NR2C2: variants seen among roughly 807,000 people sequenced by gnomAD.
NR2C2 encodes Nuclear hormone receptor TR4.
Under a neutral mutation model 62.9 loss-of-function variants are expected in NR2C2, and 6 were observed. That is an observed-to-expected ratio of 0.10 (90% CI 0.05 to 0.19). The LOEUF (loss-of-function observed/expected upper bound fraction) is 0.19, where lower values mean the gene tolerates loss of function less well. Among genes scored for constraint, NR2C2 ranks in the 10% least tolerant of loss-of-function variants. NR2C2 has a pLI of 1.00. For missense variants in NR2C2, 479 were observed against 762.7 expected (o/e 0.63, Z 4.38); for synonymous variants, 272 against 273.8 (o/e 0.99, Z 0.07).
At chr3:14,958,342 T>G (rs1025799252) in intron 1 of NR2C2, among the ~76,000 whole-genome samples, 1 of 148,466 alleles carries the variant, frequency 6.7e-6, no homozygotes, top group African/African-American at 2.5e-5. Flanking sequence ...CTGTAGCACT[T>G]TTTTTTTTTA....
chr3:14,977,967 G>T (rs199509271), intron 1 of NR2C2, among the ~76,000 whole-genome samples: 1 of 134,526 alleles, frequency 7.4e-6, no homozygotes, highest in African/African-American at 2.7e-5. Context: ...AAAAAAAGAA[G>T]AAGAAGAAGA....
intron 1 of NR2C2, among the ~76,000 whole-genome samples, chr3:14,988,444 A>G (rs528810229): frequency 2.5e-4 from 38 of 152,238 alleles, no homozygotes; most frequent in African/African-American, 8.9e-4. Context: ...AGCCATTTCT[A>G]TATTTAGGAT....
rs116549067 is a variant in NR2C2 at position 14,961,873 on chromosome 3, G to A, written c.-40+13967G>A. Reference sequence around the variant, plus strand: ...CTTGTTAGCACTCTTTAGTAATGCAGTCTCTTCGCTTCTTGCTTTGTTAGT... The same window carrying A: ...CTTGTTAGCACTCTTTAGTAATGCAATCTCTTCGCTTCTTGCTTTGTTAGT... On this transcript the variant is annotated intron_variant, in intron 1 of 13. Coordinates refer to ENST00000425241, the MANE Select transcript of NR2C2 (RefSeq NM_001291694.2). Among the ~76,000 whole-genome samples the A allele has an allele frequency of 4.9e-3, 746 of 152,324 alleles. 11 individuals carry two copies. Among genetic ancestry groups the A allele is most frequent in the African/African-American group, 0.017 (699 of 41,570 alleles).
At chr3:14,997,627 A>T (rs1458248361) in intron 1 of NR2C2, among the ~76,000 whole-genome samples, 1 of 152,060 alleles carries the variant, frequency 6.6e-6, no homozygotes, top group African/African-American at 2.4e-5. Context: ...TTTCTTAGCC[A>T]AGAGAGAGCT....
chr3:15,014,529 C>T (rs1282588749), intron 3 of NR2C2, among the ~76,000 whole-genome samples: 1 of 151,892 alleles, frequency 6.6e-6, no homozygotes, highest in Non-Finnish European at 1.5e-5. Flanking sequence ...TCTTAACCAG[C>T]TTTAGGTATA....
intron 3 of NR2C2, among the ~76,000 whole-genome samples, chr3:15,014,363 GTC>G (rs2041441333): frequency 6.6e-6 from 1 of 152,170 alleles, no homozygotes; most frequent in African/African-American, 2.4e-5. Flanking sequence ...GCTAGCATGA[GTC>G]TGGGAAGTAT....
chr3:15,001,806 A>C (rs976039780), intron 1 of NR2C2, among the ~76,000 whole-genome samples: 3 of 151,598 alleles, frequency 2.0e-5, no homozygotes, highest in African/African-American at 7.3e-5. Flanking sequence ...TTTTGTAGAG[A>C]TGGGTCTTGC....
rs965943540 is a variant in NR2C2 at position 15,003,210 on chromosome 3, C to T, written c.-39-666C>T. Among the ~76,000 whole-genome samples, 5 of 151,908 alleles carry T rather than the reference C, an allele frequency of 3.3e-5. No homozygotes were observed. In the South Asian group the frequency reaches 6.2e-4, roughly 19 times the overall value. ...AAGTGATCTGCCCACCTTGGCCTCCCGAATGCTGGGATTATAGGTGTGAGC... is the reference window on the plus strand; with the variant it reads ...AAGTGATCTGCCCACCTTGGCCTCCTGAATGCTGGGATTATAGGTGTGAGC... On this transcript the variant is annotated intron_variant, in intron 1 of 13. Coordinates refer to ENST00000425241, the MANE Select transcript of NR2C2 (RefSeq NM_001291694.2).
intron 11 of NR2C2, among the ~76,000 whole-genome samples, chr3:15,037,282 G>A (rs1028943991): frequency 4.6e-5 from 7 of 151,410 alleles, no homozygotes; most frequent in Admixed American, 1.3e-4. Context: ...TGTTGCTCAA[G>A]CTGGTCTCAA....
chr3:14,949,445 TA>T (rs1003181556), intron 1 of NR2C2, among the ~76,000 whole-genome samples: 1 of 152,204 alleles, frequency 6.6e-6, no homozygotes, highest in African/African-American at 2.4e-5. Flanking sequence ...TTGGAACTAG[TA>T]ATTGTCCATT....
intron 7 of NR2C2, chr3:15,025,429 G>A (rs886898492): frequency 1.3e-4 from 20 of 152,186 alleles, no homozygotes; most frequent in African/African-American, 4.3e-4. Flanking sequence ...TGTCACTTTG[G>A]AGGAGAATGA....
rs529911445 is a variant in NR2C2 at position 15,021,042 on chromosome 3, A to G, written c.556+110A>G. ...CCTTAAAATACTTTAAGAAAAAAAT[A>G]TGCACTCAGGCTTCATTTTGGTTTA... On this transcript the variant is annotated intron_variant, in intron 5 of 13. Transcript: ENST00000425241. The G allele has an allele frequency of 8.0e-5, 84 of 1,052,508 alleles. 1 individual carries two copies. The South Asian group carries it at 1.2e-3, about 15-fold the overall frequency. 65.2% of individuals were successfully genotyped at this position (1,052,508 alleles called of 1,614,324 possible).
intron 11 of NR2C2, among the ~76,000 whole-genome samples, chr3:15,036,629 T>TA (rs761664831): frequency 3.9e-4 from 60 of 152,262 alleles, no homozygotes; most frequent in Middle Eastern, 6.8e-3. Context: ...AGCTGGGACT[T>TA]ACAGGCATGT....
intron 1 of NR2C2, chr3:14,948,525 A>G (rs2039218681): frequency 7.6e-6 from 1 of 131,476 alleles, no homozygotes; most frequent in South Asian, 2.3e-4. Context: ...GGTGGTCCTT[A>G]TGGGGCGCGG....
At chr3:14,968,304 C>A (rs1425967175) in intron 1 of NR2C2, among the ~76,000 whole-genome samples, 1 of 152,030 alleles carries the variant, frequency 6.6e-6, no homozygotes, top group Non-Finnish European at 1.5e-5. Flanking sequence ...AAAAAACAAC[C>A]CCATCAAAAA....
chr3:15,012,214 C>A (rs1177599412), intron 2 of NR2C2, among the ~76,000 whole-genome samples: 1 of 151,600 alleles, frequency 6.6e-6, no homozygotes, highest in Non-Finnish European at 1.5e-5. Flanking sequence ...GTTGTCTCAA[C>A]CTTGAAGTTC....
chr3:15,047,967 CT>C lies in NR2C2; in HGVS notation c.*4961del, dbSNP rs2042514547. ...GACGAATTTTCCCCCTTAATCTGGC[CT>C]TAAACTGAGACTCGGCCCTTGAGAG... On this transcript the variant is annotated 3_prime_UTR_variant, in exon 14 of 14. Transcript: ENST00000425241. 6.6e-6 allele frequency: 1 copy of C among 152,368 alleles called. No homozygotes were observed. Among genetic ancestry groups the C allele is most frequent in the African/African-American group, 2.4e-5 (1 of 41,446 alleles). The allele number at this position is 152,368 out of a possible 1,614,324, so 9.4% of individuals were successfully genotyped here. A position where few individuals can be genotyped will look rare whatever the true frequency, so the allele number is the denominator to read the frequency against.
At chr3:14,993,713 T>C (rs1007442279) in intron 1 of NR2C2, among the ~76,000 whole-genome samples, 1 of 152,158 alleles carries the variant, frequency 6.6e-6, no homozygotes, top group East Asian at 1.9e-4. Context: ...TAGTCGTCTT[T>C]TCACTGAATC....
At chr3:14,970,912 G>A (rs1003897007) in intron 1 of NR2C2, among the ~76,000 whole-genome samples, 3 of 152,108 alleles carry the variant, frequency 2.0e-5, no homozygotes, top group Non-Finnish European at 4.4e-5. Flanking sequence ...ATATGCATTT[G>A]GTAGAAGCCA....
Sources: allele counts gnomAD v4.1 joint callset (sites outside exome capture counted in the v4.1 genomes callset), GRCh38; gene constraint gnomAD v4.1.1; transcripts MANE v1.5; gene names NCBI Gene and HGNC (gene_info 2026-07-23, HGNC 2026-07-21).